The following CDH18 variants were observed in gnomAD, a reference collection of about 807,000 sequenced individuals.
CDH18 encodes cadherin 18, also known as cadherin-18.
CDH18 carries 31 observed loss-of-function variants against 67.9 expected under a neutral mutation model. That is an observed-to-expected ratio of 0.46 (90% CI 0.34 to 0.62). The LOEUF is 0.62. Among genes scored for constraint, CDH18 ranks in the 20% least tolerant of loss-of-function variants. CDH18 has a pLI of 0.01. For synonymous variants in CDH18, 362 were observed against 347.2 expected (o/e 1.04, Z -0.48); for missense variants, 890 against 975.5 (o/e 0.91, Z 1.17).
At chr5:19,971,537 G>A (rs932340985) in intron 2 of CDH18, among the ~76,000 whole-genome samples, 4 of 152,022 alleles carry the variant, frequency 2.6e-5, no homozygotes, top group African/African-American at 9.7e-5. Flanking sequence ...ATCAGTGGAG[G>A]TTATTGGTCA....
intron 1 of CDH18, among the ~76,000 whole-genome samples, chr5:20,261,638 G>A (rs568661594): frequency 1.2e-4 from 19 of 152,114 alleles, no homozygotes; most frequent in Non-Finnish European, 2.1e-4. Context: ...CTACTTGGGA[G>A]GAGAATGGCG....
intron 2 of CDH18, among the ~76,000 whole-genome samples, chr5:19,945,583 A>T (rs1287260451): frequency 6.6e-6 from 1 of 152,188 alleles, no homozygotes; most frequent in Non-Finnish European, 1.5e-5. Flanking sequence ...CAAATATCTT[A>T]AAACAGGCAT....
chr5:19,600,799 G>A (rs1747005200), intron 6 of CDH18, among the ~76,000 whole-genome samples: 1 of 151,794 alleles, frequency 6.6e-6, no homozygotes, highest in Non-Finnish European at 1.5e-5. Flanking sequence ...TTTCTTATCT[G>A]GAAAAATTAA....
chr5:19,869,777 G>A (rs1215319266), intron 2 of CDH18, among the ~76,000 whole-genome samples: 1 of 152,024 alleles, frequency 6.6e-6, no homozygotes. Context: ...CAGCTAATGA[G>A]TAGTTCCGTT....
intron 1 of CDH18, among the ~76,000 whole-genome samples, chr5:20,508,323 T>TTATATATATATA (rs55885279): frequency 9.0e-5 from 10 of 111,194 alleles, no homozygotes; most frequent in Admixed American, 1.0e-4. Context: ...ATGACTATGA[T>TTATATATATATA]TATATATATA....
intron 2 of CDH18, among the ~76,000 whole-genome samples, chr5:20,165,925 A>G (rs1267117899): frequency 6.6e-6 from 1 of 152,110 alleles, no homozygotes. Flanking sequence ...ACAGGAAGAA[A>G]TTTTAAGAAA....
Position 19,591,282 on chromosome 5 carries a change from T to C in CDH18, c.812-38A>G, listed in dbSNP as rs75611801. 2.3e-3 allele frequency: 3,129 copies of C among 1,349,334 alleles called. 52 individuals are homozygous for C. In the African/African-American group the frequency reaches 0.041, roughly 18 times the overall value. 83.6% of individuals were successfully genotyped at this position (1,349,334 alleles called of 1,614,324 possible). A position where few individuals can be genotyped will look rare whatever the true frequency, so the allele number is the denominator to read the frequency against. ...TCATATTAAACATATTTAAATACAA[T>C]GTTCATGAAATAATCTTACAAGAAA... On this transcript the variant is annotated intron_variant, in intron 6 of 12. Coordinates refer to ENST00000382275, the MANE Select transcript of CDH18 (RefSeq NM_004934.5).
At chr5:20,398,222 T>C (rs1239901815) in intron 1 of CDH18, among the ~76,000 whole-genome samples, 1 of 152,212 alleles carries the variant, frequency 6.6e-6, no homozygotes, top group Non-Finnish European at 1.5e-5. Context: ...TTTTCTAAAA[T>C]GTTACTCTCA....
At chr5:19,919,259 TATG>T (rs1353144676) in intron 2 of CDH18, among the ~76,000 whole-genome samples, 40 of 150,460 alleles carry the variant, frequency 2.7e-4, no homozygotes, top group African/African-American at 9.0e-4. Context: ...TTGTATCATC[TATG>T]ATATTATAAT....
chr5:19,476,812 T>A (rs1738545448), intron 12 of CDH18, among the ~76,000 whole-genome samples: 1 of 152,030 alleles, frequency 6.6e-6, no homozygotes, highest in Admixed American at 6.6e-5. Flanking sequence ...AATACTGCCA[T>A]AGAGGTATGG....
chr5:20,467,116 T>C (rs11955936), intron 1 of CDH18, among the ~76,000 whole-genome samples: 12,652 of 152,138 alleles, frequency 0.083, 1,692 homozygotes, highest in African/African-American at 0.28. Flanking sequence ...GCAGTAACTA[T>C]ATGGTTCAAT....
chr5:19,972,278 T>C (rs6864645), intron 2 of CDH18, among the ~76,000 whole-genome samples: 18,816 of 152,044 alleles, frequency 0.12, 3,325 homozygotes, highest in African/African-American at 0.39. Flanking sequence ...TAGTATATTG[T>C]ATTTATACTG....
intron 2 of CDH18, among the ~76,000 whole-genome samples, chr5:19,903,092 G>A (rs2150117606): frequency 6.6e-6 from 1 of 151,004 alleles, no homozygotes; most frequent in East Asian, 1.9e-4. Flanking sequence ...AGTTTATTTT[G>A]GAATAATTTA....
intron 4 of CDH18, 52 bp from the exon 5 acceptor site, chr5:19,721,518 T>C (rs748236065): frequency 6.4e-6 from 10 of 1,562,968 alleles, no homozygotes; most frequent in Admixed American, 3.4e-5. Context: ...TAGCATATGA[T>C]TAATTTGAAC....
intron 1 of CDH18, among the ~76,000 whole-genome samples, chr5:20,310,781 G>T (rs1228478322): frequency 6.6e-6 from 1 of 152,056 alleles, no homozygotes; most frequent in Non-Finnish European, 1.5e-5. Context: ...TGAATGCATT[G>T]TCCACATTGT....
chr5:20,407,497 G>GAGA (rs1746380741), intron 1 of CDH18, among the ~76,000 whole-genome samples: 1 of 137,822 alleles, frequency 7.3e-6, no homozygotes, highest in African/African-American at 2.7e-5. Context: ...CACCAATGAG[G>GAGA]AAAAAAAAAA....
chr5:20,051,965 C>T (rs1390409100), intron 2 of CDH18, among the ~76,000 whole-genome samples: 1 of 151,980 alleles, frequency 6.6e-6, no homozygotes, highest in African/African-American at 2.4e-5. Flanking sequence ...TCATCATGGG[C>T]ACAAATACCT....
intron 2 of CDH18, among the ~76,000 whole-genome samples, chr5:20,252,178 C>G (rs1433127257): frequency 6.6e-6 from 1 of 151,866 alleles, no homozygotes. Flanking sequence ...ATGTAAAACC[C>G]CCTTTCTACT....
chr5:19,812,357 G>A (rs972696044), intron 3 of CDH18, among the ~76,000 whole-genome samples: 14 of 152,028 alleles, frequency 9.2e-5, no homozygotes, highest in African/African-American at 3.4e-4. Context: ...TTATTTGGAG[G>A]TTTAAAAATA....
Sources: allele counts gnomAD v4.1 joint callset (sites outside exome capture counted in the v4.1 genomes callset), GRCh38; gene constraint gnomAD v4.1.1; transcripts MANE v1.5; gene names NCBI Gene and HGNC (gene_info 2026-07-23, HGNC 2026-07-21).